The following NOX4 variants were observed in gnomAD, a reference collection of about 807,000 sequenced individuals.
The protein encoded by NOX4 is NADPH oxidase 4.
NOX4 carries 69 observed loss-of-function variants against 87.6 expected under a neutral mutation model. That is an observed-to-expected ratio of 0.79 (90% CI 0.65 to 0.96). NOX4 has a LOEUF of 0.96. Among genes scored for constraint, NOX4 ranks in the 40% least tolerant of loss-of-function variants. NOX4 has a pLI of 0.00. For missense variants in NOX4, 680 were observed against 681.5 expected, an observed-to-expected ratio of 1.00 and a Z score of 0.02; for synonymous variants, 275 against 238.2, an observed-to-expected ratio of 1.15 and a Z score of -1.42.
At chr11:89,393,672 G>A (rs987836092) in intron 11 of NOX4, among the ~76,000 whole-genome samples, 2 of 152,106 alleles carry the variant, frequency 1.3e-5, no homozygotes, top group African/African-American at 4.8e-5. Flanking sequence ...CACTAATGAT[G>A]TGCCAAGGGT....
At chr11:89,333,155 G>C (rs1330864392) in intron 17 of NOX4, among the ~76,000 whole-genome samples, 1 of 151,622 alleles carries the variant, frequency 6.6e-6, no homozygotes, top group Non-Finnish European at 1.5e-5. Context: ...AAAGAATTAG[G>C]GTAGTAGGAG....
intron 11 of NOX4, among the ~76,000 whole-genome samples, chr11:89,395,922 T>G (rs1941451938): frequency 6.6e-6 from 1 of 152,182 alleles, no homozygotes; most frequent in Non-Finnish European, 1.5e-5. Context: ...TAGCATAGTT[T>G]GAAGTCAGGT....
chr11:89,557,676 A>G, the NOX4 span, among the ~76,000 whole-genome samples: 14 of 152,136 alleles, frequency 9.2e-5, no homozygotes, highest in Non-Finnish European at 2.1e-4. Context: ...GAAAGGTAGC[A>G]GTATTTCATG....
At chr11:89,437,713 C>G (rs1028530114) in intron 6 of NOX4, among the ~76,000 whole-genome samples, 3 of 152,050 alleles carry the variant, frequency 2.0e-5, no homozygotes, top group Non-Finnish European at 4.4e-5. Flanking sequence ...CCAAGAGAAG[C>G]TCACCTACAA....
chr11:89,556,817 T>C, the NOX4 span: 1 of 152,154 alleles, frequency 6.6e-6, no homozygotes, highest in African/African-American at 2.4e-5. Flanking sequence ...TAATGAATGC[T>C]GTAAACTCTA....
chr11:89,451,171 G>A (rs75084631), intron 3 of NOX4, among the ~76,000 whole-genome samples: 24,178 of 151,660 alleles, frequency 0.16, 2,807 homozygotes, highest in African/African-American at 0.32. Flanking sequence ...TATGTAACAA[G>A]CCTGCATGTT....
intron 2 of NOX4, among the ~76,000 whole-genome samples, chr11:89,472,871 T>G (rs572141353): frequency 2.0e-4 from 30 of 152,316 alleles, no homozygotes; most frequent in African/African-American, 7.2e-4. Flanking sequence ...TAAATGATTA[T>G]GAAATTTTAA....
chr11:89,360,935 A>G (rs2135003461), intron 12 of NOX4, among the ~76,000 whole-genome samples: 1 of 152,214 alleles, frequency 6.6e-6, no homozygotes, highest in South Asian at 2.1e-4. Context: ...CCACAATTAA[A>G]AAGTCTAAAA....
chr11:89,500,496 A>G (rs1947005324), upstream of NOX4, among the ~76,000 whole-genome samples: 4 of 152,186 alleles, frequency 2.6e-5, no homozygotes, highest in South Asian at 8.3e-4. Context: ...CCTAAGTTTC[A>G]GCTGGATTAT....
At chr11:89,524,835 A>AT in the NOX4 span, among the ~76,000 whole-genome samples, 1 of 152,022 alleles carries the variant, frequency 6.6e-6, no homozygotes, top group Non-Finnish European at 1.5e-5. Flanking sequence ...ACCACACAAC[A>AT]TTTCCCTGTG....
chr11:89,562,314 C>A, the NOX4 span, among the ~76,000 whole-genome samples: 4 of 151,990 alleles, frequency 2.6e-5, no homozygotes, highest in Admixed American at 6.6e-5. Flanking sequence ...AAAAAAGGAG[C>A]CTTAAGAAAA....
At chr11:89,556,006 T>A in the NOX4 span, among the ~76,000 whole-genome samples, 1 of 152,050 alleles carries the variant, frequency 6.6e-6, no homozygotes, top group Non-Finnish European at 1.5e-5. Flanking sequence ...ACAGTTTGTG[T>A]GCTAAAAAAA....
intron 11 of NOX4, among the ~76,000 whole-genome samples, chr11:89,394,805 A>C (rs1272436746): frequency 2.6e-5 from 4 of 152,120 alleles, no homozygotes; most frequent in African/African-American, 9.7e-5. Context: ...TTCCAGCTTC[A>C]TCCATGGCCC....
the NOX4 span, among the ~76,000 whole-genome samples, chr11:89,537,491 T>C: frequency 2.6e-5 from 4 of 152,004 alleles, no homozygotes; most frequent in Non-Finnish European, 5.9e-5. Context: ...CACCCTTTTA[T>C]ATATGGTATA....
chr11:89,531,796 G>A, the NOX4 span, among the ~76,000 whole-genome samples: 1 of 152,230 alleles, frequency 6.6e-6, no homozygotes, highest in African/African-American at 2.4e-5. Flanking sequence ...CAGAGGCCGA[G>A]GAGGGAAAAA....
the NOX4 span, among the ~76,000 whole-genome samples, chr11:89,559,133 T>C: frequency 3.3e-5 from 5 of 152,214 alleles, no homozygotes; most frequent in Middle Eastern, 3.4e-3. Flanking sequence ...TGCTAAATGC[T>C]GTATTTCTGT....
intron 2 of NOX4, among the ~76,000 whole-genome samples, chr11:89,480,631 C>A (rs1355964766): frequency 6.6e-6 from 1 of 152,160 alleles, no homozygotes; most frequent in Non-Finnish European, 1.5e-5. Flanking sequence ...AATCAATGCG[C>A]AAATTGCTTA....
intron 9 of NOX4, 91 bp from the exon 10 acceptor site, chr11:89,400,470 A>T: frequency 1.3e-6 from 1 of 758,206 alleles, no homozygotes. Context: ...ACATTACAGT[A>T]ATAGTATTTT....
intron 12 of NOX4, among the ~76,000 whole-genome samples, chr11:89,364,299 C>G (rs1293678182): frequency 6.6e-6 from 1 of 151,910 alleles, no homozygotes; most frequent in African/African-American, 2.4e-5. Context: ...TACATACACA[C>G]ATACATATAT....
Sources: allele counts gnomAD v4.1 joint callset (sites outside exome capture counted in the v4.1 genomes callset), GRCh38; gene constraint gnomAD v4.1.1; transcripts MANE v1.5; gene names NCBI Gene and HGNC (gene_info 2026-07-23, HGNC 2026-07-21).